Variants in SP140L observed in about 807,000 individuals in gnomAD.
SP140L encodes the protein SP140 like nuclear body protein.
SP140L carries 64 observed loss-of-function variants against 84.3 expected under a neutral mutation model. The ratio of observed to expected loss-of-function variants is 0.76; its 90% CI spans 0.62 to 0.94. The LOEUF (loss-of-function observed/expected upper bound fraction) is 0.94, where lower values mean the gene tolerates loss of function less well. Ranked by LOEUF, SP140L falls within the 40% of genes least tolerant of loss-of-function variation. The pLI is 0.00. For synonymous variants in SP140L, 242 were observed against 236.9 expected, an observed-to-expected ratio of 1.02 and a Z score of -0.20; for missense variants, 628 against 692.5, an observed-to-expected ratio of 0.91 and a Z score of 1.05.
At chr2:230,374,151 A>G (rs1250293438) in intron 7 of SP140L, among the ~76,000 whole-genome samples, 1 of 152,178 alleles carries the variant, frequency 6.6e-6, no homozygotes, top group Non-Finnish European at 1.5e-5. Flanking sequence ...CCCTGTCTCT[A>G]CTAAAAATAC....
intron 5 of SP140L, 70 bp downstream of exon 5, chr2:230,361,767 C>T: frequency 8.2e-7 from 1 of 1,215,196 alleles, no homozygotes; most frequent in Non-Finnish European, 1.2e-6. Context: ...GGTGAGGGCC[C>T]AAGGTCCTGA....
intron 10 of SP140L, 62 bp from the exon 11 acceptor site, chr2:230,389,857 C>T: frequency 6.8e-7 from 1 of 1,477,414 alleles, no homozygotes; most frequent in Non-Finnish European, 9.4e-7. Context: ...GGATTTACCT[C>T]AGTGGGAAGG....
At chr2:230,385,809 C>A (rs2061557887) in intron 9 of SP140L, among the ~76,000 whole-genome samples, 1 of 152,212 alleles carries the variant, frequency 6.6e-6, no homozygotes, top group South Asian at 2.1e-4. Context: ...TCAGCCTGGG[C>A]AAGCCTTAGT....
At chr2:230,371,073 A>G in intron 6 of SP140L, 106 bp downstream of exon 6, 4 of 966,330 alleles carry the variant, frequency 4.1e-6, no homozygotes, top group Non-Finnish European at 6.5e-6. Context: ...TGTTCTGTGC[A>G]TTTGCCTCAC....
rs946533349 is a variant in SP140L at position 230,403,034 on chromosome 2, C to T, written c.*138C>T. The T allele has an allele frequency of 3.1e-6, 2 of 641,180 alleles. No individual in the cohort carries two copies. The highest frequency in any genetic ancestry group is 3.7e-5 in the African/African-American group (2 of 53,598). 39.7% of individuals were successfully genotyped at this position (641,180 alleles called of 1,614,324 possible). A position where few individuals can be genotyped will look rare whatever the true frequency, so the allele number is the denominator to read the frequency against. On this transcript the variant is annotated 3_prime_UTR_variant, in exon 19 of 19. Coordinates refer to ENST00000415673, the MANE Select transcript of SP140L (RefSeq NM_138402.6). ...TCCCTCATCTGCCCAAAAACAAATC[C>T]TCAAAAGAAATTTGATCATCATGAA...
At chr2:230,400,095 C>G (rs1188487975) in intron 14 of SP140L, 32 bp from the exon 15 acceptor site, 1 of 1,610,982 alleles carries the variant, frequency 6.2e-7, no homozygotes, top group African/African-American at 1.3e-5. Flanking sequence ...TCTTGTGATT[C>G]CCAGTGACGT....
In SP140L at chr2:230,341,447, G is replaced by A. The variant is rs544009456; in HGVS notation, c.107+12616G>A. ...TTGCCTTTGGTTTGAATGTCCGCCC[G>A]TAGCTCAGAGTAATTTGATCGTCTG... On this transcript the variant is annotated intron_variant, in intron 2 of 18. Transcript: ENST00000415673. Among the ~76,000 whole-genome samples, 643 of 132,052 alleles carry A rather than the reference G, an allele frequency of 4.9e-3. 10 individuals are homozygous for A. The highest frequency in any genetic ancestry group is 0.018 in the African/African-American group (587 of 33,062). 86.6% of individuals were successfully genotyped at this position (132,052 alleles called of 152,430 possible).
chr2:230,373,384 T>A (rs1382000416), intron 7 of SP140L, among the ~76,000 whole-genome samples: 1 of 152,236 alleles, frequency 6.6e-6, no homozygotes, highest in Non-Finnish European at 1.5e-5. Flanking sequence ...AGTCTCTTGT[T>A]AGAGGCTAAT....
intron 7 of SP140L, among the ~76,000 whole-genome samples, chr2:230,375,080 C>T (rs2061201650): frequency 1.3e-5 from 2 of 152,146 alleles, no homozygotes; most frequent in Non-Finnish European, 2.9e-5. Flanking sequence ...TTATCCTCCT[C>T]ATAATTTGAA....
intron 14 of SP140L, among the ~76,000 whole-genome samples, chr2:230,399,669 G>T (rs920885640): frequency 6.6e-6 from 1 of 152,176 alleles, no homozygotes; most frequent in Non-Finnish European, 1.5e-5. Context: ...TTCAACTCAT[G>T]GGGAACTTAT....
At chr2:230,332,054 C>T (rs541222091) in intron 2 of SP140L, among the ~76,000 whole-genome samples, 37 of 152,136 alleles carry the variant, frequency 2.4e-4, no homozygotes, top group African/African-American at 8.7e-4. Flanking sequence ...CTCAGGGGAA[C>T]GCTTGTAATG....
At chr2:230,395,016 C>T (rs1236749220) in intron 13 of SP140L, among the ~76,000 whole-genome samples, 4 of 151,616 alleles carry the variant, frequency 2.6e-5, no homozygotes, top group Non-Finnish European at 5.9e-5. Flanking sequence ...CGGAGTTTCA[C>T]TCTTGTCATT....
rs549658955 is a variant in SP140L at position 230,359,852 on chromosome 2, C to T, written c.439+720C>T. Reference sequence around the variant, plus strand: ...GATAAATAGTTTTGTTAACCCTTTACCCACAAGGGATAAAAGAAACATTAA... The same window carrying T: ...GATAAATAGTTTTGTTAACCCTTTATCCACAAGGGATAAAAGAAACATTAA... On this transcript the variant is annotated intron_variant, in intron 4 of 18. Transcript: ENST00000415673. Among the ~76,000 whole-genome samples the T allele has an allele frequency of 1.2e-3, 182 of 151,250 alleles. 1 individual carries two copies. Among genetic ancestry groups the T allele is most frequent in the African/African-American group, 4.2e-3 (175 of 41,306 alleles).
chr2:230,399,965 T>C (rs1328491914), intron 14 of SP140L, 162 bp from the exon 15 acceptor site: 2 of 628,514 alleles, frequency 3.2e-6, no homozygotes, highest in Non-Finnish European at 5.5e-6. Context: ...GACCAGGATT[T>C]GTTCTGAAAT....
intron 7 of SP140L, among the ~76,000 whole-genome samples, chr2:230,378,951 C>A (rs1209504881): frequency 1.3e-5 from 2 of 152,144 alleles, no homozygotes; most frequent in Non-Finnish European, 2.9e-5. Flanking sequence ...ATGTTGAGAC[C>A]ATTAATGACT....
chr2:230,389,122 A>G (rs1021970914), intron 10 of SP140L, among the ~76,000 whole-genome samples: 2 of 152,126 alleles, frequency 1.3e-5, no homozygotes, highest in Admixed American at 6.5e-5. Context: ...AAGCTAGAGG[A>G]TGAATTAGGC....
Position 230,383,581 on chromosome 2 carries a change from C to A in SP140L, c.703+6C>A. ...GAAAAACAACCAACAAAATGGTAAGCAGGCAAAGTGAAGTAGTTACAGCTT... is the reference window on the plus strand; with the variant it reads ...GAAAAACAACCAACAAAATGGTAAGAAGGCAAAGTGAAGTAGTTACAGCTT... On this transcript the variant is annotated splice_donor_region_variant and intron_variant, in intron 8 of 18. Transcript: ENST00000415673. The A allele has an allele frequency of 6.3e-7, 1 of 1,598,206 alleles. No individual in the cohort carries two copies. Among genetic ancestry groups the A allele is most frequent in the African/African-American group, 1.3e-5 (1 of 74,760 alleles).
chr2:230,384,045 A>G (rs775224133), intron 8 of SP140L, among the ~76,000 whole-genome samples: 5 of 152,170 alleles, frequency 3.3e-5, no homozygotes, highest in Non-Finnish European at 5.9e-5. Context: ...GTGTGTATGA[A>G]GAGATATAAA....
At position 230,402,850 on chromosome 2, in the gene SP140L, A is replaced by T. The variant is rs749111733; in HGVS notation, c.1697A>T (p.Asp566Val). 4.3e-6 allele frequency: 7 copies of T among 1,613,224 alleles called. No homozygotes were observed. The East Asian group carries it at 1.6e-4, about 36-fold the overall frequency. ...AGACTGGAGGCTGAATTTGAGAAGGATTTCAAGGAAGTGTTTGCTATTCAG... is the reference window on the plus strand; with the variant it reads ...AGACTGGAGGCTGAATTTGAGAAGGTTTTCAAGGAAGTGTTTGCTATTCAG... Reference protein sequence around the residue: ...GLRLEAEFEKDFKEVFAIQET... With the variant: ...GLRLEAEFEKVFKEVFAIQET... The change falls in exon 19 of 19, where the codon GAT becomes GTT. Residue 566 changes from aspartate to valine, a missense_variant. Coordinates refer to ENST00000415673, the MANE Select transcript of SP140L (RefSeq NM_138402.6).
Sources: gnomAD v4.1 joint callset for allele counts (sites outside exome capture counted in the v4.1 genomes callset) on GRCh38, gnomAD v4.1.1 for gene constraint, MANE v1.5 for transcripts, NCBI Gene and HGNC (gene_info 2026-07-23, HGNC 2026-07-21) for gene names.